SUV39H2: variants seen among roughly 807,000 people sequenced by gnomAD.
SUV39H2 encodes the protein histone-lysine N-methyltransferase SUV39H2.
A neutral mutation model predicts 47.5 loss-of-function variants in SUV39H2; 10 were observed. That is an observed-to-expected ratio of 0.21 (90% CI 0.13 to 0.36). The LOEUF is 0.36. SUV39H2 is among the 10% of genes least tolerant of loss of function. The pLI, the probability that SUV39H2 is intolerant of heterozygous loss-of-function variation, is 1.00. For missense variants in SUV39H2, 266 were observed against 487.4 expected (o/e 0.55, Z 4.28); for synonymous variants, 159 against 166.8 (o/e 0.95, Z 0.36).
chr10:14,899,973 A>G (rs1833885364), intron 4 of SUV39H2, among the ~76,000 whole-genome samples: 1 of 152,222 alleles, frequency 6.6e-6, no homozygotes. Flanking sequence ...TTACTTTCAT[A>G]TTACAATGAG....
At position 14,894,373 on chromosome 10, in the gene SUV39H2, T is replaced by TG. The variant is rs1554768989; in HGVS notation, c.178-2473_178-2472insG. Among the ~76,000 whole-genome samples the TG allele has an allele frequency of 7.1e-5, 6 of 84,476 alleles. 2 individuals carry two copies. Among genetic ancestry groups the TG allele is most frequent in the African/African-American group, 4.6e-4 (6 of 12,904 alleles). The allele number at this position is 84,476 out of a possible 152,430, so 55.4% of individuals were successfully genotyped here. On this transcript the variant is annotated intron_variant, in intron 2 of 5. Coordinates refer to ENST00000354919, the MANE Select transcript of SUV39H2 (RefSeq NM_001193424.2). ...AAGCAAAGTTTTTTTTTTTTTTTTT[T>TG]TTTTTTTTTTTTGAGACGGAGTCTC...
At chr10:14,891,447 T>A (rs1346954168) in intron 2 of SUV39H2, among the ~76,000 whole-genome samples, 1 of 152,158 alleles carries the variant, frequency 6.6e-6, no homozygotes, top group Middle Eastern at 3.2e-3. Context: ...GGATAACTGG[T>A]TTTGTGGATT....
At chr10:14,895,198 A>G (rs1833529647) in intron 2 of SUV39H2, among the ~76,000 whole-genome samples, 2 of 144,026 alleles carry the variant, frequency 1.4e-5, no homozygotes, top group Admixed American at 1.4e-4. Flanking sequence ...TTTTTTTGAC[A>G]TGGAGTCTCA....
intron 2 of SUV39H2, among the ~76,000 whole-genome samples, chr10:14,885,362 A>G (rs997816352): frequency 2.0e-5 from 3 of 152,318 alleles, no homozygotes; most frequent in Non-Finnish European, 2.9e-5. Context: ...GATTGCATAT[A>G]TCTTTAATTC....
chr10:14,900,533 C>G (rs183511819), intron 4 of SUV39H2, among the ~76,000 whole-genome samples: 1 of 152,052 alleles, frequency 6.6e-6, no homozygotes, highest in African/African-American at 2.4e-5. Context: ...ATGATAAATT[C>G]GAGATACTCT....
In SUV39H2 at chr10:14,902,478, G is replaced by A; in HGVS notation, c.1199G>A (p.Cys400Tyr). 6.2e-7 allele frequency: 1 copy of A among 1,604,532 alleles called. No homozygotes were observed. Among genetic ancestry groups the A allele is most frequent in the Non-Finnish European group, 8.5e-7 (1 of 1,176,528 alleles). ...AAGAGGGTCAGAACAGTATGTAAAT[G>A]TGGAGCTGTGACTTGCAGAGGTTAC... ...AKKRVRTVCKCGAVTCRGYLN is the reference protein window; with the variant it reads ...AKKRVRTVCKYGAVTCRGYLN Residue 400 changes from cysteine (C) to tyrosine (Y), a missense_variant, in exon 6 of 6, where the codon TGT becomes TAT. By Grantham distance (194) the Cys-to-Tyr change is radical. Coordinates refer to ENST00000354919, the MANE Select transcript of SUV39H2 (RefSeq NM_001193424.2).
chr10:14,886,475 A>G (rs1026009880), intron 2 of SUV39H2, among the ~76,000 whole-genome samples: 33 of 152,306 alleles, frequency 2.2e-4, no homozygotes, highest in African/African-American at 6.3e-4. Flanking sequence ...GGCCAGGACT[A>G]TGTCTCATTT....
intron 2 of SUV39H2, among the ~76,000 whole-genome samples, chr10:14,895,021 T>G (rs1173143113): frequency 6.6e-6 from 1 of 152,162 alleles, no homozygotes; most frequent in East Asian, 1.9e-4. Context: ...CAATGCAGTT[T>G]AATCACCTTT....
chr10:14,899,317 T>TA, intron 3 of SUV39H2: 1 of 683,228 alleles, frequency 1.5e-6, no homozygotes, highest in Non-Finnish European at 2.6e-6. Flanking sequence ...GAGACCCTGT[T>TA]TAAAAAAAAA....
intron 2 of SUV39H2, among the ~76,000 whole-genome samples, chr10:14,893,036 G>A (rs71485533): frequency 0.033 from 4,350 of 131,754 alleles, 92 homozygotes; most frequent in Non-Finnish European, 0.046. Context: ...ACGGAGTCTC[G>A]CTGTCGCCCA....
At chr10:14,890,862 C>G (rs934294519) in intron 2 of SUV39H2, among the ~76,000 whole-genome samples, 1 of 152,184 alleles carries the variant, frequency 6.6e-6, no homozygotes, top group African/African-American at 2.4e-5. Context: ...TTGCTACCTC[C>G]AAGTTTATCA....
At chr10:14,886,243 C>T (rs1252412043) in intron 2 of SUV39H2, among the ~76,000 whole-genome samples, 1 of 152,132 alleles carries the variant, frequency 6.6e-6, no homozygotes, top group South Asian at 2.1e-4. Flanking sequence ...AGAATACTAC[C>T]ATTTCTCTTC....
intron 3 of SUV39H2, chr10:14,899,285 A>G (rs548175606): frequency 1.4e-6 from 1 of 702,312 alleles, no homozygotes. Flanking sequence ...GCACCACCGC[A>G]TTCTAGCCTG....
In SUV39H2 at chr10:14,903,050, A is replaced by C. The variant is rs1834129253; in HGVS notation, c.*538A>C. 6.6e-6 allele frequency: 1 copy of C among 152,312 alleles called. No individual in the cohort carries two copies. The highest frequency in any genetic ancestry group is 6.5e-5 in the Admixed American group (1 of 15,290). 9.4% of individuals were successfully genotyped at this position (152,312 alleles called of 1,614,324 possible). On this transcript the variant is annotated 3_prime_UTR_variant, in exon 6 of 6. Coordinates refer to ENST00000354919, the MANE Select transcript of SUV39H2 (RefSeq NM_001193424.2). ...CCATTAAAACATTGGCACCTCAATG[A>C]TAAAGAAATTTAAGGTATAAAATTA...
At chr10:14,879,158 G>GC in intron 1 of SUV39H2, 1 of 1,207,732 alleles carries the variant, frequency 8.3e-7, no homozygotes, top group Non-Finnish European at 1.0e-6. Flanking sequence ...GGGCACTTCG[G>GC]AAGTGGAGCG....
chr10:14,884,477 G>T (rs1014461350), intron 2 of SUV39H2, among the ~76,000 whole-genome samples: 1 of 152,178 alleles, frequency 6.6e-6, no homozygotes, highest in Non-Finnish European at 1.5e-5. Context: ...AGAAATGTCT[G>T]TTCAGATCCT....
chr10:14,879,672 A>C (rs928782892), intron 1 of SUV39H2: 6 of 151,872 alleles, frequency 4.0e-5, no homozygotes, highest in Admixed American at 6.6e-5. Flanking sequence ...AGAGCCTGGA[A>C]CTTTTCCGTG....
At chr10:14,883,190 C>T (rs1387261266) in intron 2 of SUV39H2, among the ~76,000 whole-genome samples, 1 of 152,058 alleles carries the variant, frequency 6.6e-6, no homozygotes, top group East Asian at 1.9e-4. Context: ...TCTCTGATGT[C>T]TTGTTTACAT....
In SUV39H2 at chr10:14,899,572, C is replaced by G; in HGVS notation, c.883C>G (p.Gln295Glu). Residue 295 changes from glutamine (Q) to glutamate (E), a missense_variant, in exon 4 of 6, where the codon CAG (glutamine) becomes GAG (glutamate). By Grantham distance (29) the Gln-to-Glu change is conservative. This residue lies in a region of SUV39H2 where 112 missense variants were observed against 271.9 expected (regional missense o/e 0.41). Transcript: ENST00000354919. ...ITSEEAERRG[Q>E]FYDNKGITYL... is the part of the protein sequence containing the mutation. ...AAGTGAAGAAGCTGAAAGACGAGGA[C>G]AGTTCTATGACAACAAGGGAATCAC... is the stretch of plus-strand genomic sequence containing the variant. The G allele has an allele frequency of 6.2e-7, 1 of 1,614,122 alleles. No individual in the cohort carries two copies.
Sources: allele counts gnomAD v4.1 joint callset (sites outside exome capture counted in the v4.1 genomes callset), GRCh38; gene constraint gnomAD v4.1.1; regional missense constraint gnomAD v4.1.1; transcripts MANE v1.5; gene names NCBI Gene and HGNC (gene_info 2026-07-23, HGNC 2026-07-21).